Variants in CHSY3 observed in about 807,000 individuals in gnomAD.
CHSY3 encodes N-acetylgalactosaminyl-proteoglycan 3-beta-glucuronosyltransferase 3.
A neutral mutation model predicts 67.2 loss-of-function variants in CHSY3; 35 were observed. The ratio of observed to expected loss-of-function variants is 0.52; its 90% CI spans 0.40 to 0.69. The LOEUF is 0.69. Among genes scored for constraint, CHSY3 ranks in the 30% least tolerant of loss-of-function variants. CHSY3 has a pLI of 0.00. For synonymous variants in CHSY3, 474 were observed against 434.7 expected (o/e 1.09, Z -1.12); for missense variants, 1,069 against 1,138.5 (o/e 0.94, Z 0.88).
intron 2 of CHSY3, among the ~76,000 whole-genome samples, chr5:130,043,262 C>A (rs964437690): frequency 2.0e-5 from 3 of 151,524 alleles, no homozygotes; most frequent in African/African-American, 7.3e-5. Context: ...GATATTTTAT[C>A]TTTTCATTTA....
At position 129,968,318 on chromosome 5, in the gene CHSY3, A is replaced by G. The variant is rs78480242; in HGVS notation, c.1086+59958A>G. 4.7e-3 allele frequency among the ~76,000 whole-genome samples: 711 copies of G among 151,980 alleles called. 10 individuals are homozygous for G. The highest frequency in any genetic ancestry group is 0.016 in the African/African-American group (674 of 41,522). On this transcript the variant is annotated intron_variant, in intron 2 of 2. Coordinates refer to ENST00000305031, the MANE Select transcript of CHSY3 (RefSeq NM_175856.5). ...GCTAACATTTTTTAAATTTGAACAT[A>G]TATTTTCAAGTTGTCTCTTTTTACA... is the stretch of plus-strand genomic sequence containing the variant.
chr5:130,165,559 T>A (rs1259765251), intron 2 of CHSY3, among the ~76,000 whole-genome samples: 1 of 152,058 alleles, frequency 6.6e-6, no homozygotes, highest in Non-Finnish European at 1.5e-5. Flanking sequence ...AAAGAACTTC[T>A]CCATGTTTAG....
chr5:129,915,507 A>G (rs986834219), intron 2 of CHSY3, among the ~76,000 whole-genome samples: 4 of 152,228 alleles, frequency 2.6e-5, no homozygotes, highest in African/African-American at 4.8e-5. Context: ...TTTTGAAGTA[A>G]CAGATGAACG....
chr5:129,998,647 A>G (rs1462860093), intron 2 of CHSY3, among the ~76,000 whole-genome samples: 5 of 152,098 alleles, frequency 3.3e-5, no homozygotes, highest in Non-Finnish European at 5.9e-5. Context: ...GATTTTGTCA[A>G]TCTGATTATT....
chr5:130,027,358 G>A (rs1441126262), intron 2 of CHSY3, among the ~76,000 whole-genome samples: 1 of 152,022 alleles, frequency 6.6e-6, no homozygotes, highest in Non-Finnish European at 1.5e-5. Context: ...CAACCTCTGT[G>A]AACATTTATG....
rs147235265 is a variant in CHSY3 at position 130,097,406 on chromosome 5, C to T, written c.1087-86823C>T. ...GGAAGAGCAGTTCAAACACTGGCTGCCATGGCTTGTATTTCTACTCTTAGC... is the reference window on the plus strand; with the variant it reads ...GGAAGAGCAGTTCAAACACTGGCTGTCATGGCTTGTATTTCTACTCTTAGC... On this transcript the variant is annotated intron_variant, in intron 2 of 2. Transcript: ENST00000305031. Among the ~76,000 whole-genome samples the T allele has an allele frequency of 4.4e-3, 669 of 152,298 alleles. 6 individuals are homozygous for T. The highest frequency in any genetic ancestry group is 0.015 in the African/African-American group (604 of 41,570).
At chr5:130,178,604 A>G (rs1427884764) in intron 2 of CHSY3, among the ~76,000 whole-genome samples, 1 of 151,956 alleles carries the variant, frequency 6.6e-6, no homozygotes, top group African/African-American at 2.4e-5. Flanking sequence ...GAAGATAGTA[A>G]TTCATTATAC....
At chr5:130,133,771 T>TAAAAAAAAAAAAAAAA (rs758023976) in intron 2 of CHSY3, among the ~76,000 whole-genome samples, 124 of 57,944 alleles carry the variant, frequency 2.1e-3, no homozygotes, top group Middle Eastern at 0.015. Flanking sequence ...GACTCCGTCT[T>TAAAAAAAAAAAAAAAA]AAAAAAAAAA....
chr5:129,966,793 C>G (rs77663185), intron 2 of CHSY3, among the ~76,000 whole-genome samples: 2,161 of 151,670 alleles, frequency 0.014, 52 homozygotes, highest in African/African-American at 0.05. Context: ...TAGTTCTTGC[C>G]TTGAAAAGGG....
At chr5:130,117,571 C>T (rs1021556603) in intron 2 of CHSY3, among the ~76,000 whole-genome samples, 2 of 152,058 alleles carry the variant, frequency 1.3e-5, no homozygotes, top group African/African-American at 2.4e-5. Context: ...TTTTTTTGTT[C>T]ATAAACAAGC....
At chr5:130,032,793 A>C (rs1366613218) in intron 2 of CHSY3, among the ~76,000 whole-genome samples, 2 of 152,178 alleles carry the variant, frequency 1.3e-5, no homozygotes, top group South Asian at 4.1e-4. Context: ...GATGAATCTC[A>C]GAAGATTCAT....
chr5:130,019,806 A>G (rs1228381262), intron 2 of CHSY3, among the ~76,000 whole-genome samples: 21 of 152,210 alleles, frequency 1.4e-4, no homozygotes, highest in Admixed American at 1.3e-3. Context: ...CACTAACGCT[A>G]TGAGAGGCCC....
At chr5:129,911,024 C>CAGAGTTGA (rs1305802310) in intron 2 of CHSY3, among the ~76,000 whole-genome samples, 2 of 135,690 alleles carry the variant, frequency 1.5e-5, no homozygotes, top group Non-Finnish European at 3.1e-5. Context: ...AAAGTTCTTT[C>CAGAGTTGA]AGAGTTGAGA....
At chr5:130,120,343 C>T (rs957437524) in intron 2 of CHSY3, among the ~76,000 whole-genome samples, 25 of 152,108 alleles carry the variant, frequency 1.6e-4, no homozygotes, top group African/African-American at 5.5e-4. Flanking sequence ...GATAATAGCA[C>T]GACTTGGACA....
chr5:130,113,805 T>C (rs1767673678), intron 2 of CHSY3, among the ~76,000 whole-genome samples: 1 of 152,168 alleles, frequency 6.6e-6, no homozygotes, highest in Non-Finnish European at 1.5e-5. Flanking sequence ...AAACCAACTA[T>C]ATTCTACAAA....
chr5:129,922,691 C>T (rs987044840), intron 2 of CHSY3, among the ~76,000 whole-genome samples: 18 of 151,164 alleles, frequency 1.2e-4, no homozygotes, highest in Middle Eastern at 3.4e-3. Context: ...TATTTGTTTT[C>T]TTTCTGTAGA....
At chr5:130,104,403 A>T (rs1767349955) in intron 2 of CHSY3, among the ~76,000 whole-genome samples, 1 of 151,866 alleles carries the variant, frequency 6.6e-6, no homozygotes, top group African/African-American at 2.4e-5. Context: ...GTGTTTTCAG[A>T]TACCTCCTTC....
chr5:130,181,484 A>G (rs1049026885), intron 2 of CHSY3, among the ~76,000 whole-genome samples: 1 of 152,094 alleles, frequency 6.6e-6, no homozygotes, highest in African/African-American at 2.4e-5. Context: ...CTCCAGGCCC[A>G]CATATCCACA....
At chr5:130,020,451 ATATATATATATTTTTTT>A (rs869106276) in intron 2 of CHSY3, among the ~76,000 whole-genome samples, 1,563 of 13,878 alleles carry the variant, frequency 0.11, 39 homozygotes, top group East Asian at 0.18. Context: ...ATATATATAT[ATATATATATATTTTTTT>A]TTTTTTTTTT....
Sources: allele counts gnomAD v4.1 joint callset (sites outside exome capture counted in the v4.1 genomes callset), GRCh38; gene constraint gnomAD v4.1.1; transcripts MANE v1.5; gene names NCBI Gene and HGNC (gene_info 2026-07-23, HGNC 2026-07-21).